LRMDA: variants seen among roughly 807,000 people sequenced by gnomAD.
The protein encoded by LRMDA is leucine-rich melanocyte differentiation-associated protein.
In LRMDA, 18 loss-of-function variants were observed where a neutral mutation model predicts 29.8. That is an observed-to-expected ratio of 0.60 (90% CI 0.42 to 0.90). The LOEUF is 0.90. LRMDA is among the 40% of genes least tolerant of loss of function. LRMDA has a pLI of 0.00. For missense variants in LRMDA, 273 were observed against 273.9 expected (o/e 1.00, Z 0.02); for synonymous variants, 125 against 109.4 (o/e 1.14, Z -0.89).
At chr10:75,545,507 C>T (rs1840069405) in intron 2 of LRMDA, among the ~76,000 whole-genome samples, 1 of 152,150 alleles carries the variant, frequency 6.6e-6, no homozygotes, top group Non-Finnish European at 1.5e-5. Context: ...GTACTGATAT[C>T]ATAGGACACT....
intron 2 of LRMDA, among the ~76,000 whole-genome samples, chr10:75,929,697 A>G (rs1252849866): frequency 6.6e-6 from 1 of 152,110 alleles, no homozygotes; most frequent in Non-Finnish European, 1.5e-5. Context: ...GTCTTTTAGA[A>G]TTTTGGTTTT....
At chr10:75,538,948 G>A (rs896897259) in intron 2 of LRMDA, among the ~76,000 whole-genome samples, 2 of 152,220 alleles carry the variant, frequency 1.3e-5, no homozygotes, top group African/African-American at 4.8e-5. Context: ...GCATGTTCAA[G>A]TTTAGAATCA....
intron 2 of LRMDA, among the ~76,000 whole-genome samples, chr10:75,461,806 C>T (rs988770662): frequency 2.6e-5 from 4 of 152,164 alleles, no homozygotes; most frequent in African/African-American, 4.8e-5. Context: ...CTTCTGAGGC[C>T]GCTGCTGGGA....
chr10:76,185,105 C>G (rs1464910330), intron 5 of LRMDA, among the ~76,000 whole-genome samples: 2 of 152,124 alleles, frequency 1.3e-5, no homozygotes, highest in South Asian at 2.1e-4. Context: ...AAAAAATACT[C>G]TTTCTGATTT....
intron 5 of LRMDA, among the ~76,000 whole-genome samples, chr10:76,190,977 C>CGA (rs1183516469): frequency 6.6e-6 from 1 of 152,112 alleles, no homozygotes; most frequent in Non-Finnish European, 1.5e-5. Context: ...TATGTAACCC[C>CGA]GAGCGGCTTT....
At chr10:75,659,262 G>T (rs552652573) in intron 2 of LRMDA, among the ~76,000 whole-genome samples, 1 of 152,154 alleles carries the variant, frequency 6.6e-6, no homozygotes, top group Non-Finnish European at 1.5e-5. Flanking sequence ...CATCAAGGTT[G>T]GCAAGTGTCT....
intron 2 of LRMDA, among the ~76,000 whole-genome samples, chr10:76,004,092 A>C (rs1847606528): frequency 6.6e-6 from 1 of 152,240 alleles, no homozygotes; most frequent in Non-Finnish European, 1.5e-5. Flanking sequence ...TAAAATTCTT[A>C]TCTGTATTAA....
At chr10:75,633,384 T>C (rs546889178) in intron 2 of LRMDA, among the ~76,000 whole-genome samples, 1 of 152,234 alleles carries the variant, frequency 6.6e-6, no homozygotes, top group African/African-American at 2.4e-5. Flanking sequence ...TCTTTGATAG[T>C]GTTTGTATGA....
intron 6 of LRMDA, among the ~76,000 whole-genome samples, chr10:76,442,343 C>G (rs1842312272): frequency 6.6e-6 from 1 of 152,190 alleles, no homozygotes; most frequent in African/African-American, 2.4e-5. Context: ...TATTTTCTCA[C>G]AACCTTGCTT....
chr10:76,423,352 C>T (rs773764135), intron 6 of LRMDA, among the ~76,000 whole-genome samples: 18 of 152,102 alleles, frequency 1.2e-4, no homozygotes, highest in Non-Finnish European at 2.5e-4. Context: ...CATGATTGTG[C>T]CTCTACACTC....
intron 5 of LRMDA, among the ~76,000 whole-genome samples, chr10:76,114,825 A>G (rs949307141): frequency 6.6e-6 from 1 of 152,246 alleles, no homozygotes; most frequent in African/African-American, 2.4e-5. Flanking sequence ...GAGCAAGTAC[A>G]AAACCAACAC....
At chr10:76,084,741 T>C (rs1168784257) in intron 5 of LRMDA, among the ~76,000 whole-genome samples, 1 of 152,204 alleles carries the variant, frequency 6.6e-6, no homozygotes, top group African/African-American at 2.4e-5. Context: ...AAGACATTAT[T>C]ATCAAAATTA....
chr10:75,555,230 G>A (rs1840199878), intron 2 of LRMDA, among the ~76,000 whole-genome samples: 1 of 152,176 alleles, frequency 6.6e-6, no homozygotes, highest in African/African-American at 2.4e-5. Flanking sequence ...CGGAAGGGGA[G>A]CTGACTCTTG....
chr10:75,944,840 C>G (rs1369773269), intron 2 of LRMDA, among the ~76,000 whole-genome samples: 7 of 151,294 alleles, frequency 4.6e-5, no homozygotes. Flanking sequence ...AATTCTAGTT[C>G]TCTAATGAGA....
chr10:76,219,993 T>A (rs1016698416), intron 5 of LRMDA, among the ~76,000 whole-genome samples: 2 of 152,200 alleles, frequency 1.3e-5, no homozygotes. Context: ...ACATGGAAAC[T>A]GAACAACCTG....
intron 2 of LRMDA, among the ~76,000 whole-genome samples, chr10:75,897,651 T>C (rs895655916): frequency 4.6e-5 from 7 of 152,152 alleles, no homozygotes; most frequent in African/African-American, 7.2e-5. Flanking sequence ...AGTGGTTACA[T>C]AGTTCACTTG....
chr10:76,540,053 G>T (rs1176211388), intron 6 of LRMDA, among the ~76,000 whole-genome samples: 1 of 150,962 alleles, frequency 6.6e-6, no homozygotes, highest in African/African-American at 2.4e-5. Context: ...ACACGAAGTA[G>T]ACACACAACA....
intron 2 of LRMDA, among the ~76,000 whole-genome samples, chr10:75,621,836 G>T (rs895494365): frequency 3.9e-5 from 6 of 152,178 alleles, no homozygotes; most frequent in African/African-American, 1.4e-4. Flanking sequence ...AGGTTCCATA[G>T]AACAAGTCTG....
intron 6 of LRMDA, among the ~76,000 whole-genome samples, chr10:76,412,902 C>T (rs531341505): frequency 9.2e-5 from 14 of 152,054 alleles, no homozygotes; most frequent in African/African-American, 3.4e-4. Context: ...TTCCTGCTCT[C>T]CCTTCCTTCT....
Sources: allele counts gnomAD v4.1 joint callset (sites outside exome capture counted in the v4.1 genomes callset), GRCh38; gene constraint gnomAD v4.1.1; transcripts MANE v1.5; gene names NCBI Gene and HGNC (gene_info 2026-07-23, HGNC 2026-07-21).